INCA1: variants seen among roughly 807,000 people sequenced by gnomAD.
The protein encoded by INCA1 is protein INCA1.
INCA1 carries 28 observed loss-of-function variants against 25.7 expected under a neutral mutation model. The ratio of observed to expected loss-of-function variants is 1.09; its 90% CI spans 0.81 to 1.49. The LOEUF (loss-of-function observed/expected upper bound fraction) is 1.49, where lower values mean the gene tolerates loss of function less well. Ranked by LOEUF, INCA1 falls within the 40% of genes most tolerant of loss-of-function variation. The probability of loss-of-function intolerance (pLI) is 0.00; values close to 1 mark genes in which losing one functional copy is unlikely to be tolerated. For missense variants in INCA1, 309 were observed against 290.9 expected, an observed-to-expected ratio of 1.06 and a Z score of -0.45; for synonymous variants, 111 against 103.6, an observed-to-expected ratio of 1.07 and a Z score of -0.43.
chr17:4,991,424 A>G (rs1447432104), intron 2 of INCA1, among the ~76,000 whole-genome samples: 2 of 152,186 alleles, frequency 1.3e-5, no homozygotes, highest in African/African-American at 4.8e-5. Context: ...TCCAGGGGAG[A>G]GAACCTCTGT....
Position 4,989,211 on chromosome 17 carries a change from T to G in INCA1, c.395+217A>C, listed in dbSNP as rs953442735. Among the ~76,000 whole-genome samples, 9 of 152,210 alleles carry G rather than the reference T, an allele frequency of 5.9e-5. No individual in the cohort carries two copies. In the South Asian group the frequency reaches 6.2e-4, roughly 10 times the overall value. On this transcript the variant is annotated intron_variant, in intron 5 of 6. Coordinates refer to ENST00000576820, the Ensembl canonical transcript of INCA1. ...TGATCTAGTTTCCACTCCTTCCAGC[T>G]CATGTGGCTCATCCTCCTTACTGCA...
At chr17:4,989,021 C>A in intron 5 of INCA1, 77 bp from the exon 6 acceptor site, 1 of 1,440,722 alleles carries the variant, frequency 6.9e-7, no homozygotes, top group South Asian at 1.3e-5. Context: ...CCTTTCTGTT[C>A]TGAAATACTT....
intron 2 of INCA1, among the ~76,000 whole-genome samples, chr17:4,991,276 T>C (rs1973857199): frequency 6.6e-6 from 1 of 152,180 alleles, no homozygotes; most frequent in South Asian, 2.1e-4. Flanking sequence ...AAAGCCATCC[T>C]AGGCCGCAGG....
At chr17:4,989,341 C>G in intron 5 of INCA1, 87 bp downstream of exon 5, 1 of 1,315,522 alleles carries the variant, frequency 7.6e-7, no homozygotes, top group Non-Finnish European at 1.1e-6. Context: ...AACCTCCCCT[C>G]AAAGCTGTCA....
In INCA1 at chr17:4,993,283, G is replaced by A. The variant is rs539106113; in HGVS notation, c.44+1111C>T. On this transcript the variant is annotated intron_variant, in intron 2 of 6. Coordinates refer to ENST00000576820, the Ensembl canonical transcript of INCA1. ...CAACCTCTGCCTCCTGGGTTCAAGC[G>A]ATTCTCCTGCCTCAGCCTCCCGAGT... Among the ~76,000 whole-genome samples, 310 of 150,734 alleles carry A rather than the reference G, an allele frequency of 2.1e-3. 1 individual carries two copies. The highest frequency in any genetic ancestry group is 7.4e-3 in the African/African-American group (304 of 40,904).
Position 4,988,922 on chromosome 17 carries a change from TG to T in INCA1, c.417del (p.Ser140AlafsTer107). 6.2e-7 allele frequency: 1 copy of T among 1,614,068 alleles called. No individual in the cohort carries two copies. The highest frequency in any genetic ancestry group is 1.1e-5 in the South Asian group (1 of 91,062). On this transcript the variant is annotated frameshift_variant, in exon 6 of 7. Transcript: ENST00000576820. LOFTEE classifies it high-confidence loss of function. ...ACTGGCTCAGATGCAGCCCCAGAGC[TG>T]CCCCACTGGGCCTTCTTCAGTCTGT...
chr17:4,991,155 T>G (rs1156825302), intron 2 of INCA1, among the ~76,000 whole-genome samples: 1 of 151,966 alleles, frequency 6.6e-6, no homozygotes, highest in Non-Finnish European at 1.5e-5. Flanking sequence ...TGACCTCAGG[T>G]GATCCACCCG....
chr17:4,991,779 AC>A (rs1973892229), intron 2 of INCA1, among the ~76,000 whole-genome samples: 1 of 152,098 alleles, frequency 6.6e-6, no homozygotes, highest in Non-Finnish European at 1.5e-5. Flanking sequence ...AGTTGCTAAG[AC>A]CAAAAACATG....
At chr17:4,994,458 T>C (rs114204728) in exon 2 of INCA1, 1 of 1,613,100 alleles carries the variant, frequency 6.2e-7, no homozygotes, top group African/African-American at 1.3e-5. Context: ...GGCTGGGTAG[T>C]TAGTCTCCTT....
At chr17:4,994,597 C>A (rs1005667345) in intron 1 of INCA1, 122 bp from the exon 2 acceptor site, 21 of 662,022 alleles carry the variant, frequency 3.2e-5, no homozygotes, top group Middle Eastern at 8.0e-4. Context: ...CAAGACCAGC[C>A]TGGCCAATAT....
At chr17:4,995,969 T>A (rs1259153479) in intron 1 of INCA1, 1 of 151,996 alleles carries the variant, frequency 6.6e-6, no homozygotes, top group Non-Finnish European at 1.5e-5. Flanking sequence ...AAGTTAAGTG[T>A]GGACATAATG....
At chr17:4,992,750 C>T (rs238225) in intron 2 of INCA1, among the ~76,000 whole-genome samples, 60,869 of 142,060 alleles carry the variant, frequency 0.43, 13,666 homozygotes, top group Non-Finnish European at 0.53. Context: ...TGCTTTGTTG[C>T]CCAGGCTGGA....
exon 6 of INCA1, chr17:4,988,829 C>T (rs1434822264): frequency 6.2e-7 from 1 of 1,614,216 alleles, no homozygotes; most frequent in East Asian, 2.2e-5. Flanking sequence ...GGATAGGTTG[C>T]TCTCTCCTCT....
chr17:4,994,756 C>T (rs2143243912), intron 1 of INCA1, among the ~76,000 whole-genome samples: 1 of 139,196 alleles, frequency 7.2e-6, no homozygotes, highest in South Asian at 2.3e-4. Flanking sequence ...CGCCACTGCA[C>T]TCCAGCCTGG....
intron 1 of INCA1, 68 bp from the exon 2 acceptor site, chr17:4,994,543 G>C: frequency 7.7e-7 from 1 of 1,296,350 alleles, no homozygotes; most frequent in South Asian, 1.2e-5. Context: ...TGTAATCCCA[G>C]TACTTTTGGA....
chr17:4,989,465 G>C (rs997222593), exon 5 of INCA1: 1 of 1,614,050 alleles, frequency 6.2e-7, no homozygotes, highest in African/African-American at 1.3e-5. Context: ...AGGTCCTCCA[G>C]GTGGTAAGTG....
chr17:4,994,559 A>G lies in INCA1; in HGVS notation c.-38-84T>C, dbSNP rs1008480882. On this transcript the variant is annotated intron_variant, in intron 1 of 6. Coordinates refer to ENST00000576820, the Ensembl canonical transcript of INCA1. ...GTAATCCCAGTACTTTTGGAGGCCA[A>G]GGCGGGCGGATCATGAGGTCAGGAG... 6.1e-6 allele frequency: 6 copies of G among 986,436 alleles called. No individual in the cohort carries two copies. In the African/African-American group the frequency reaches 9.7e-5, roughly 16 times the overall value. 61.1% of individuals were successfully genotyped at this position (986,436 alleles called of 1,614,324 possible).
intron 1 of INCA1, 105 bp from the exon 2 acceptor site, chr17:4,994,580 A>G: frequency 4.0e-6 from 3 of 749,686 alleles, no homozygotes; most frequent in South Asian, 3.0e-5. Flanking sequence ...TCATGAGGTC[A>G]GGAGTTCAAG....
intron 1 of INCA1, 34 bp from the exon 2 acceptor site, chr17:4,994,509 G>T (rs891916172): frequency 6.5e-7 from 1 of 1,547,248 alleles, no homozygotes; most frequent in Non-Finnish European, 8.9e-7. Context: ...TCATTCATTC[G>T]GGCTGGATGT....
Sources: allele counts gnomAD v4.1 joint callset (sites outside exome capture counted in the v4.1 genomes callset), GRCh38; gene constraint gnomAD v4.1.1; transcripts MANE v1.5; gene names NCBI Gene and HGNC (gene_info 2026-07-23, HGNC 2026-07-21).